The following SCO1 variants were observed in gnomAD, a reference collection of about 807,000 sequenced individuals.
SCO1 encodes the protein synthesis of cytochrome C oxidase 1, also known as cytochrome c oxidase assembly factor SCO1.
Under a neutral mutation model 34.0 loss-of-function variants are expected in SCO1, and 23 were observed. That is an observed-to-expected ratio of 0.68 (90% CI 0.49 to 0.96). SCO1 has a LOEUF of 0.96. SCO1 is among the 40% of genes least tolerant of loss of function. The pLI is 0.00. For missense variants in SCO1, 404 were observed against 381.6 expected, an observed-to-expected ratio of 1.06 and a Z score of -0.49; for synonymous variants, 161 against 145.5, an observed-to-expected ratio of 1.11 and a Z score of -0.77.
At position 10,679,706 on chromosome 17, in the gene SCO1, T is replaced by C. The variant is rs1368876031; in HGVS notation, c.*1413A>G. ...GATTCATTCTATCACTCAATAATCA[T>C]TTTCTTCAATGGCTGACACACCAAA... On this transcript the variant is annotated 3_prime_UTR_variant, in exon 6 of 6. Coordinates refer to ENST00000255390, the MANE Select transcript of SCO1 (RefSeq NM_004589.4). 1 of 152,144 alleles carries C rather than the reference T, an allele frequency of 6.6e-6. No individual in the cohort carries two copies. Among genetic ancestry groups the C allele is most frequent in the Non-Finnish European group, 1.5e-5 (1 of 68,024 alleles). The allele number at this position is 152,144 out of a possible 1,614,324, so 9.4% of individuals were successfully genotyped here.
intron 5 of SCO1, among the ~76,000 whole-genome samples, chr17:10,684,439 T>C (rs186233957): frequency 2.6e-5 from 4 of 152,318 alleles, no homozygotes; most frequent in Admixed American, 2.0e-4. Flanking sequence ...AGAGGGGCAG[T>C]TGAGTAGAGT....
rs1407358938 is a variant in SCO1 at position 10,677,731 on chromosome 17, T to C, written c.*3388A>G. 3 of 152,212 alleles carry C rather than the reference T, an allele frequency of 2.0e-5. No individual in the cohort carries two copies. The highest frequency in any genetic ancestry group is 7.2e-5 in the African/African-American group (3 of 41,448). 9.4% of individuals were successfully genotyped at this position (152,212 alleles called of 1,614,324 possible). The stretch of plus-strand genomic sequence containing the variant: ...TTCTTATACTTTTCAAATAAACAAG[T>C]GGCATTTCTTAAAATATTAATTCTA... On this transcript the variant is annotated 3_prime_UTR_variant, in exon 6 of 6. Transcript: ENST00000255390.
intron 4 of SCO1, among the ~76,000 whole-genome samples, chr17:10,689,971 G>A (rs1445908654): frequency 6.6e-6 from 1 of 152,078 alleles, no homozygotes; most frequent in East Asian, 1.9e-4. Flanking sequence ...TCAAGAAACG[G>A]CACTAGGAAA....
chr17:10,690,117 T>C (rs1429427918), intron 4 of SCO1, among the ~76,000 whole-genome samples: 1 of 152,116 alleles, frequency 6.6e-6, no homozygotes, highest in African/African-American at 2.4e-5. Flanking sequence ...GGGGAAACAC[T>C]TCAGGACATT....
intron 3 of SCO1, 36 bp from the exon 4 acceptor site, chr17:10,692,000 C>A (rs759738902): frequency 7.0e-7 from 1 of 1,436,088 alleles, no homozygotes; most frequent in Non-Finnish European, 9.8e-7. Context: ...TATTCACACC[C>A]TAAGGGAAAA....
chr17:10,688,993 G>T (rs2074673955), intron 4 of SCO1, among the ~76,000 whole-genome samples: 1 of 147,864 alleles, frequency 6.8e-6, no homozygotes, highest in Non-Finnish European at 1.5e-5. Context: ...GCGGGCGCCT[G>T]TAGTCCCAGC....
chr17:10,695,645 T>C, intron 2 of SCO1, 96 bp downstream of exon 2: 1 of 894,666 alleles, frequency 1.1e-6, no homozygotes, highest in Admixed American at 1.9e-5. Flanking sequence ...AATCTAAAGT[T>C]GTTTCAAAAC....
Position 10,697,215 on chromosome 17 carries a change from G to A in SCO1, c.273+20C>T. ...CGACAGCCGCGACGAGCACCAGAAG[G>A]GTTCCAGGTGTGCACTCACCCCGGG... On this transcript the variant is annotated intron_variant, in intron 1 of 5. Transcript: ENST00000255390. 1.3e-6 allele frequency: 2 copies of A among 1,525,302 alleles called. No homozygotes were observed. The highest frequency in any genetic ancestry group is 1.8e-6 in the Non-Finnish European group (2 of 1,135,876). The allele number at this position is 1,525,302 out of a possible 1,614,324, so 94.5% of individuals were successfully genotyped here. A position where few individuals can be genotyped will look rare whatever the true frequency, so the allele number is the denominator to read the frequency against.
At position 10,681,109 on chromosome 17, in the gene SCO1, AC is replaced by A. The variant is rs2074619270; in HGVS notation, c.*9del. 1 of 1,614,176 alleles carries A rather than the reference AC, an allele frequency of 6.2e-7. No homozygotes were observed. The highest frequency in any genetic ancestry group is 1.3e-5 in the African/African-American group (1 of 75,042). On this transcript the variant is annotated 3_prime_UTR_variant, in exon 6 of 6. Transcript: ENST00000255390. ...GCAAGAGAATACTGCATCCAGCAACACTGCTTTGGCTAGCTCTTTTTTCTGT... is the reference window on the plus strand; with the variant it reads ...GCAAGAGAATACTGCATCCAGCAACATGCTTTGGCTAGCTCTTTTTTCTGT...
intron 5 of SCO1, among the ~76,000 whole-genome samples, chr17:10,682,702 C>T (rs776519321): frequency 2.0e-5 from 3 of 152,208 alleles, no homozygotes; most frequent in Non-Finnish European, 2.9e-5. Context: ...TGTGACAGAG[C>T]ACATTGACAT....
At chr17:10,687,987 T>C (rs1338244301) in intron 4 of SCO1, among the ~76,000 whole-genome samples, 1 of 152,240 alleles carries the variant, frequency 6.6e-6, no homozygotes, top group Non-Finnish European at 1.5e-5. Flanking sequence ...ACTATACTAT[T>C]GCCCAAATTT....
chr17:10,689,969 C>T (rs1299131890), intron 4 of SCO1, among the ~76,000 whole-genome samples: 16 of 152,046 alleles, frequency 1.1e-4, no homozygotes, highest in Admixed American at 6.5e-4. Flanking sequence ...CCTCAAGAAA[C>T]GGCACTAGGA....
Position 10,673,677 on chromosome 17 carries a change from C to T in SCO1, c.*7442G>A, listed in dbSNP as rs1488670506. On this transcript the variant is annotated 3_prime_UTR_variant, in exon 6 of 6. Transcript: ENST00000255390. Reference sequence around the variant, plus strand: ...TAGGGCCAACAGAGATCAAATGATCCTCAATCAGGTTTCAATTGAGTATTT... The same window carrying T: ...TAGGGCCAACAGAGATCAAATGATCTTCAATCAGGTTTCAATTGAGTATTT... 5 of 152,178 alleles carry T rather than the reference C, an allele frequency of 3.3e-5. No individual in the cohort carries two copies. The highest frequency in any genetic ancestry group is 3.3e-4 in the Admixed American group (5 of 15,266). 9.4% of individuals were successfully genotyped at this position (152,178 alleles called of 1,614,324 possible). A position where few individuals can be genotyped will look rare whatever the true frequency, so the allele number is the denominator to read the frequency against.
intron 4 of SCO1, 93 bp downstream of exon 4, chr17:10,691,779 G>C: frequency 5.1e-6 from 4 of 779,562 alleles, no homozygotes; most frequent in South Asian, 4.3e-5. Context: ...AATACCATTT[G>C]TCCTATTTCA....
rs28386835 is a variant in SCO1 at position 10,679,856 on chromosome 17, G to A, written c.*1263C>T. 68,058 of 149,944 alleles carry A rather than the reference G, an allele frequency of 0.45. 15,580 individuals carry two copies. Among genetic ancestry groups the A allele is most frequent in the East Asian group, 0.54 (2,720 of 5,038 alleles). 9.3% of individuals were successfully genotyped at this position (149,944 alleles called of 1,614,324 possible). On this transcript the variant is annotated 3_prime_UTR_variant, in exon 6 of 6. Coordinates refer to ENST00000255390, the MANE Select transcript of SCO1 (RefSeq NM_004589.4). ...AGTGGTGTGATTATAGCTCACTGAA[G>A]CCTTGAATTCCTGGGCTCAAGTGAT... is the stretch of plus-strand genomic sequence containing the variant.
At chr17:10,695,707 T>C in intron 2 of SCO1, 34 bp downstream of exon 2, 5 of 1,443,466 alleles carry the variant, frequency 3.5e-6, no homozygotes, top group Non-Finnish European at 4.7e-6. Context: ...AGGAAGACCT[T>C]TATACAGGGC....
At chr17:10,682,945 CTT>C (rs1315043206) in intron 5 of SCO1, among the ~76,000 whole-genome samples, 2 of 152,218 alleles carry the variant, frequency 1.3e-5, no homozygotes, top group East Asian at 1.9e-4. Context: ...AGTCCACAAA[CTT>C]TTATCACCAC....
chr17:10,689,893 C>T lies in SCO1; in HGVS notation c.655+1979G>A, dbSNP rs191844529. 1.1e-4 allele frequency among the ~76,000 whole-genome samples: 16 copies of T among 152,140 alleles called. No individual in the cohort carries two copies. In the East Asian group the frequency reaches 1.5e-3, roughly 15 times the overall value. On this transcript the variant is annotated intron_variant, in intron 4 of 5. Transcript: ENST00000255390. Reference sequence around the variant, plus strand: ...AGACCAATGGAACAGAATAGAGGACCGAGAAATTAAGCCAACTGATTTCTG... The same window carrying T: ...AGACCAATGGAACAGAATAGAGGACTGAGAAATTAAGCCAACTGATTTCTG...
chr17:10,683,052 T>C (rs2074632241), intron 5 of SCO1, among the ~76,000 whole-genome samples: 1 of 152,184 alleles, frequency 6.6e-6, no homozygotes, highest in Non-Finnish European at 1.5e-5. Flanking sequence ...GAAAAGGTAA[T>C]ATATGCACAT....
Sources: allele counts gnomAD v4.1 joint callset (sites outside exome capture counted in the v4.1 genomes callset), GRCh38; gene constraint gnomAD v4.1.1; transcripts MANE v1.5; gene names NCBI Gene and HGNC (gene_info 2026-07-23, HGNC 2026-07-21).